Variants in NFIB observed in about 807,000 individuals in gnomAD.
NFIB encodes nuclear factor 1 B-type.
In NFIB, 11 loss-of-function variants were observed where a neutral mutation model predicts 61.5. The observed-to-expected ratio is 0.18, with a 90% CI of 0.11 to 0.30. The LOEUF (loss-of-function observed/expected upper bound fraction) is 0.30. Ranked by LOEUF, NFIB falls within the 10% of genes least tolerant of loss-of-function variation. The probability of loss-of-function intolerance (pLI) is 1.00; values close to 1 mark genes in which losing one functional copy is unlikely to be tolerated. For missense variants in NFIB, 471 were observed against 608.9 expected, an observed-to-expected ratio of 0.77 and a Z score of 2.38; for synonymous variants, 260 against 216.5, an observed-to-expected ratio of 1.20 and a Z score of -1.76.
At chr9:14,394,573 A>C (rs1311880210) in intron 1 of NFIB, among the ~76,000 whole-genome samples, 1 of 152,214 alleles carries the variant, frequency 6.6e-6, no homozygotes, top group South Asian at 2.1e-4. Flanking sequence ...AGTATGGGGA[A>C]AATGCCCCCA....
At chr9:14,344,332 G>C (rs562468845) in intron 1 of NFIB, among the ~76,000 whole-genome samples, 2 of 152,036 alleles carry the variant, frequency 1.3e-5, no homozygotes, top group East Asian at 1.9e-4. Context: ...GCCAAATGCG[G>C]GAGACTTGGC....
At chr9:14,283,726 C>T (rs148868911) in intron 2 of NFIB, among the ~76,000 whole-genome samples, 208 of 152,264 alleles carry the variant, frequency 1.4e-3, no homozygotes, top group African/African-American at 4.9e-3. Context: ...AAATGTTGTG[C>T]GTTGGCATCC....
chr9:14,262,528 T>A (rs2056848925), intron 2 of NFIB, among the ~76,000 whole-genome samples: 1 of 152,182 alleles, frequency 6.6e-6, no homozygotes, highest in Non-Finnish European at 1.5e-5. Flanking sequence ...GAAGAATCAT[T>A]TCTGGAAGAA....
the NFIB span, among the ~76,000 whole-genome samples, chr9:14,484,817 G>T: frequency 6.6e-6 from 1 of 152,218 alleles, no homozygotes; most frequent in Non-Finnish European, 1.5e-5. Flanking sequence ...GGCTGTATTA[G>T]ACAGCTCAAG....
chr9:14,272,597 C>T (rs2057705951), intron 2 of NFIB, among the ~76,000 whole-genome samples: 1 of 143,190 alleles, frequency 7.0e-6, no homozygotes, highest in Non-Finnish European at 1.5e-5. Flanking sequence ...TCTATGAAAG[C>T]ATATGACTCT....
chr9:14,277,475 A>G (rs2058081655), intron 2 of NFIB, among the ~76,000 whole-genome samples: 1 of 152,230 alleles, frequency 6.6e-6, no homozygotes, highest in Non-Finnish European at 1.5e-5. Context: ...TCAAATATGG[A>G]TTAGACAGAC....
chr9:14,231,450 A>G (rs1261350485), intron 2 of NFIB, among the ~76,000 whole-genome samples: 3 of 152,040 alleles, frequency 2.0e-5, no homozygotes, highest in African/African-American at 7.2e-5. Flanking sequence ...AGGAAGCCCA[A>G]TCCTGCCTGA....
the NFIB span, among the ~76,000 whole-genome samples, chr9:14,514,111 A>G: frequency 6.6e-6 from 1 of 152,182 alleles, no homozygotes; most frequent in Non-Finnish European, 1.5e-5. Flanking sequence ...TTTGAGGTAA[A>G]TGAATGAATG....
At chr9:14,097,610 T>C (rs546298306) in intron 10 of NFIB, among the ~76,000 whole-genome samples, 2 of 152,240 alleles carry the variant, frequency 1.3e-5, no homozygotes, top group South Asian at 2.1e-4. Flanking sequence ...TATGTGGAGA[T>C]ATACACACAC....
intron 10 of NFIB, among the ~76,000 whole-genome samples, chr9:14,100,308 C>T (rs2035549669): frequency 6.6e-6 from 1 of 152,180 alleles, no homozygotes; most frequent in South Asian, 2.1e-4. Flanking sequence ...AACAATACTG[C>T]CCTAAGAACT....
At chr9:14,455,761 C>A in the NFIB span, among the ~76,000 whole-genome samples, 36 of 152,208 alleles carry the variant, frequency 2.4e-4, no homozygotes, top group African/African-American at 8.4e-4. Context: ...ACAAGATTAT[C>A]ATTCGTTTTT....
At chr9:14,098,667 T>A (rs149098913) in intron 10 of NFIB, among the ~76,000 whole-genome samples, 4 of 152,200 alleles carry the variant, frequency 2.6e-5, no homozygotes, top group African/African-American at 7.2e-5. Context: ...TCCTAAGATC[T>A]TGAGCCCATT....
At chr9:14,096,706 C>A (rs758464745) in intron 10 of NFIB, 1 of 152,218 alleles carries the variant, frequency 6.6e-6, no homozygotes, top group Non-Finnish European at 1.5e-5. Flanking sequence ...ACCACAGCTA[C>A]AGAAAAAACA....
At chr9:14,373,436 C>T (rs2061381228) in intron 1 of NFIB, among the ~76,000 whole-genome samples, 1 of 152,108 alleles carries the variant, frequency 6.6e-6, no homozygotes, top group Admixed American at 6.5e-5. Context: ...TTATGATTTA[C>T]ATCATGTTAC....
chr9:14,395,255 T>C (rs531632666), intron 1 of NFIB, among the ~76,000 whole-genome samples: 1 of 149,762 alleles, frequency 6.7e-6, no homozygotes, highest in Non-Finnish European at 1.5e-5. Flanking sequence ...CTGTGATTTT[T>C]AGAACTCAGG....
At chr9:14,478,446 TATTA>T in the NFIB span, among the ~76,000 whole-genome samples, 1 of 152,170 alleles carries the variant, frequency 6.6e-6, no homozygotes, top group Non-Finnish European at 1.5e-5. Flanking sequence ...TCTCCAAACA[TATTA>T]AAGTACTGAG....
At chr9:14,312,754 G>T (rs1004814700) in intron 1 of NFIB, among the ~76,000 whole-genome samples, 1 of 152,156 alleles carries the variant, frequency 6.6e-6, no homozygotes, top group Admixed American at 6.5e-5. Context: ...TGCCTTACGA[G>T]CTACGCCCAA....
At chr9:14,527,388 T>G in the NFIB span, among the ~76,000 whole-genome samples, 1 of 152,210 alleles carries the variant, frequency 6.6e-6, no homozygotes, top group Admixed American at 6.5e-5. Context: ...TTAGAAGTAA[T>G]AGTAAAATTA....
chr9:14,116,467 G>C, intron 8 of NFIB, 121 bp from the exon 9 acceptor site: 2 of 1,031,920 alleles, frequency 1.9e-6, no homozygotes, highest in Non-Finnish European at 2.6e-6. Context: ...CGCCACACAG[G>C]CCCTCTCGAG....
Sources: allele counts gnomAD v4.1 joint callset (sites outside exome capture counted in the v4.1 genomes callset), GRCh38; gene constraint gnomAD v4.1.1; transcripts MANE v1.5; gene names NCBI Gene and HGNC (gene_info 2026-07-23, HGNC 2026-07-21).